HCN1: variants seen among roughly 807,000 people sequenced by gnomAD.
The protein encoded by HCN1 is potassium/sodium hyperpolarization-activated cyclic nucleotide-gated channel 1.
HCN1 carries 13 observed loss-of-function variants against 78.9 expected under a neutral mutation model. The observed-to-expected ratio is 0.16, with a 90% CI of 0.11 to 0.26. The LOEUF (loss-of-function observed/expected upper bound fraction) is 0.26. Among genes scored for constraint, HCN1 ranks in the 10% least tolerant of loss-of-function variants. The pLI, the probability that HCN1 is intolerant of heterozygous loss-of-function variation, is 1.00. For synonymous variants in HCN1, 552 were observed against 455.5 expected, an observed-to-expected ratio of 1.21 and a Z score of -2.70; for missense variants, 810 against 1,154.3, an observed-to-expected ratio of 0.70 and a Z score of 4.32.
intron 1 of HCN1, among the ~76,000 whole-genome samples, chr5:45,649,342 TA>T (rs1745632949): frequency 6.6e-6 from 1 of 151,786 alleles, no homozygotes; most frequent in East Asian, 1.9e-4. Flanking sequence ...CCCCTACACA[TA>T]TATAGTCCCT....
At chr5:45,679,392 C>T (rs1459639799) in intron 1 of HCN1, among the ~76,000 whole-genome samples, 2 of 152,024 alleles carry the variant, frequency 1.3e-5, no homozygotes, top group Admixed American at 6.6e-5. Flanking sequence ...GAATATCTCA[C>T]TGACTGTGTT....
At chr5:45,606,895 T>A (rs1744736720) in intron 2 of HCN1, among the ~76,000 whole-genome samples, 1 of 151,998 alleles carries the variant, frequency 6.6e-6, no homozygotes, top group South Asian at 2.1e-4. Flanking sequence ...TTCTATAATG[T>A]ATTAAAGTGG....
At chr5:45,266,103 A>G (rs563143410) in intron 7 of HCN1, among the ~76,000 whole-genome samples, 2 of 152,340 alleles carry the variant, frequency 1.3e-5, no homozygotes, top group South Asian at 4.1e-4. Flanking sequence ...ATGTTCCAGG[A>G]TATCTAGGAA....
At chr5:45,492,445 T>G (rs1215672061) in intron 2 of HCN1, among the ~76,000 whole-genome samples, 1 of 146,122 alleles carries the variant, frequency 6.8e-6, no homozygotes, top group African/African-American at 2.5e-5. Context: ...AAAATCTTCT[T>G]TTCTTATCCA....
intron 2 of HCN1, among the ~76,000 whole-genome samples, chr5:45,640,227 G>A (rs1327933459): frequency 2.0e-5 from 3 of 152,106 alleles, no homozygotes; most frequent in African/African-American, 7.2e-5. Context: ...AGATTACTCA[G>A]TAAATGCTTG....
chr5:45,628,985 T>G (rs199772907), intron 2 of HCN1, among the ~76,000 whole-genome samples: 1 of 117,716 alleles, frequency 8.5e-6, no homozygotes, highest in Non-Finnish European at 1.9e-5. Context: ...AAATAAAAAA[T>G]AAAAAAAAAA....
intron 2 of HCN1, among the ~76,000 whole-genome samples, chr5:45,515,209 A>T (rs1467021529): frequency 6.6e-6 from 1 of 152,018 alleles, no homozygotes; most frequent in Admixed American, 6.6e-5. Context: ...TGAGAAGTCC[A>T]TCAAGCTGTA....
chr5:45,453,902 C>CT (rs199528812), intron 3 of HCN1, among the ~76,000 whole-genome samples: 5 of 151,898 alleles, frequency 3.3e-5, no homozygotes, highest in Admixed American at 2.0e-4. Context: ...CAGCAAAATA[C>CT]TTTTTTTTCT....
chr5:45,425,961 C>A (rs1252610257), intron 3 of HCN1, among the ~76,000 whole-genome samples: 1 of 151,994 alleles, frequency 6.6e-6, no homozygotes, highest in Non-Finnish European at 1.5e-5. Flanking sequence ...GATGTGAAAG[C>A]AAAAATGAGC....
intron 5 of HCN1, among the ~76,000 whole-genome samples, chr5:45,309,130 G>A (rs1202600040): frequency 6.6e-6 from 1 of 152,106 alleles, no homozygotes; most frequent in Admixed American, 6.6e-5. Context: ...TGTGGCAATT[G>A]TGAATGGAAT....
chr5:45,430,836 T>A (rs1740448765), intron 3 of HCN1, among the ~76,000 whole-genome samples: 1 of 151,934 alleles, frequency 6.6e-6, no homozygotes, highest in Admixed American at 6.6e-5. Flanking sequence ...AAAAGAAAAA[T>A]TACTCCACTA....
rs1330453349 is a variant in HCN1 at position 45,272,670 on chromosome 5, C to T, written c.1619-5417G>A. Among the ~76,000 whole-genome samples the T allele has an allele frequency of 3.3e-5, 5 of 151,958 alleles. No individual in the cohort carries two copies. In the East Asian group the frequency reaches 5.8e-4, roughly 18 times the overall value. On this transcript the variant is annotated intron_variant, in intron 6 of 7. Transcript: ENST00000303230. ...GTCATAGAACTTGCCAAATGTTTTA[C>T]GTACTTTCTTTGAGGAACATAACAT...
intron 2 of HCN1, among the ~76,000 whole-genome samples, chr5:45,474,694 T>C (rs1270511802): frequency 6.6e-6 from 1 of 151,960 alleles, no homozygotes; most frequent in Non-Finnish European, 1.5e-5. Flanking sequence ...TTAGCCTACA[T>C]ATTTATTTTC....
In HCN1 at chr5:45,379,479, A is replaced by C. The variant is rs186541114; in HGVS notation, c.1230+17013T>G. On this transcript the variant is annotated intron_variant, in intron 4 of 7. Coordinates refer to ENST00000303230, the MANE Select transcript of HCN1 (RefSeq NM_021072.4). Reference sequence around the variant, plus strand: ...TGTATGTTTGAAACTATGTAAAGGAAATAAAACACAAATAGCCTGGGTAAT... The same window carrying C: ...TGTATGTTTGAAACTATGTAAAGGACATAAAACACAAATAGCCTGGGTAAT... Among the ~76,000 whole-genome samples the C allele has an allele frequency of 2.4e-3, 306 of 127,690 alleles. 2 individuals are homozygous for C. Among genetic ancestry groups the C allele is most frequent in the African/African-American group, 0.012 (297 of 24,686 alleles). The allele number at this position is 127,690 out of a possible 152,430, so 83.8% of individuals were successfully genotyped here.
chr5:45,664,588 A>T (rs1159848306), intron 1 of HCN1, among the ~76,000 whole-genome samples: 2 of 151,934 alleles, frequency 1.3e-5, no homozygotes, highest in Non-Finnish European at 2.9e-5. Context: ...CAATGAACTC[A>T]AACAAATTTA....
chr5:45,476,634 C>T (rs1579918567), intron 2 of HCN1, among the ~76,000 whole-genome samples: 1 of 152,122 alleles, frequency 6.6e-6, no homozygotes, highest in Non-Finnish European at 1.5e-5. Flanking sequence ...GTTCCCAAAG[C>T]TTCCTTTGTT....
At chr5:45,401,522 C>T (rs1463470525) in intron 3 of HCN1, among the ~76,000 whole-genome samples, 1 of 151,866 alleles carries the variant, frequency 6.6e-6, no homozygotes, top group Non-Finnish European at 1.5e-5. Flanking sequence ...TCTGTAAGTT[C>T]CTTGGCAGCT....
chr5:45,414,017 T>C (rs909780918), intron 3 of HCN1, among the ~76,000 whole-genome samples: 1 of 151,970 alleles, frequency 6.6e-6, no homozygotes, highest in African/African-American at 2.4e-5. Context: ...AGTAAATACC[T>C]GAACTTTGCA....
chr5:45,646,954 C>T (rs1007992094), intron 1 of HCN1, among the ~76,000 whole-genome samples: 5 of 152,076 alleles, frequency 3.3e-5, no homozygotes, highest in African/African-American at 1.2e-4. Context: ...TACATGAATA[C>T]TCCTACTTAG....
Sources: gnomAD v4.1 joint callset for allele counts (sites outside exome capture counted in the v4.1 genomes callset) on GRCh38, gnomAD v4.1.1 for gene constraint, MANE v1.5 for transcripts, NCBI Gene and HGNC (gene_info 2026-07-23, HGNC 2026-07-21) for gene names.